Variants in LMBR1 observed in about 807,000 individuals in gnomAD.
The protein encoded by LMBR1 is limb development membrane protein 1.
In LMBR1, 52 loss-of-function variants were observed where a neutral mutation model predicts 73.9. The observed-to-expected ratio is 0.70, with a 90% CI of 0.56 to 0.89. The LOEUF (loss-of-function observed/expected upper bound fraction) is 0.89. Ranked by LOEUF, LMBR1 falls within the 40% of genes least tolerant of loss-of-function variation. The probability of loss-of-function intolerance (pLI) is 0.00; values close to 1 mark genes in which losing one functional copy is unlikely to be tolerated. For missense variants in LMBR1, 539 were observed against 579.8 expected (o/e 0.93, Z 0.72); for synonymous variants, 215 against 209.4 (o/e 1.03, Z -0.23).
intron 4 of LMBR1, among the ~76,000 whole-genome samples, chr7:156,818,326 C>G (rs1415317054): frequency 6.6e-6 from 1 of 152,152 alleles, no homozygotes; most frequent in African/African-American, 2.4e-5. Flanking sequence ...CTTGCAGTGA[C>G]TTGTCGGATT....
intron 15 of LMBR1, among the ~76,000 whole-genome samples, chr7:156,705,262 A>G (rs1388956734): frequency 1.3e-5 from 2 of 152,258 alleles, no homozygotes; most frequent in Non-Finnish European, 2.9e-5. Flanking sequence ...AAAGCACTAA[A>G]ACAAAAAGCC....
chr7:156,764,676 C>T (rs1305693061), intron 5 of LMBR1, among the ~76,000 whole-genome samples: 2 of 152,174 alleles, frequency 1.3e-5, no homozygotes, highest in Non-Finnish European at 2.9e-5. Context: ...TCTCATTCCA[C>T]ATTTAACATA....
At chr7:156,729,126 G>A (rs982551470) in intron 10 of LMBR1, among the ~76,000 whole-genome samples, 8 of 152,048 alleles carry the variant, frequency 5.3e-5, no homozygotes, top group Admixed American at 3.3e-4. Flanking sequence ...TTACAGGCAC[G>A]AACTACGATA....
At chr7:156,802,140 G>A (rs1831113735) in intron 4 of LMBR1, among the ~76,000 whole-genome samples, 1 of 152,252 alleles carries the variant, frequency 6.6e-6, no homozygotes, top group Admixed American at 6.5e-5. Context: ...GCGCCACTGC[G>A]CCAGGCTAAT....
At chr7:156,872,974 T>C (rs1427705653) in intron 1 of LMBR1, among the ~76,000 whole-genome samples, 2 of 152,320 alleles carry the variant, frequency 1.3e-5, no homozygotes, top group South Asian at 2.1e-4. Flanking sequence ...ACTTCAAGAA[T>C]GAAGCCGCGG....
At chr7:156,781,435 T>C (rs994928651) in intron 5 of LMBR1, among the ~76,000 whole-genome samples, 1 of 152,126 alleles carries the variant, frequency 6.6e-6, no homozygotes, top group African/African-American at 2.4e-5. Flanking sequence ...CCACATTTCC[T>C]GCATCTCTCA....
intron 9 of LMBR1, among the ~76,000 whole-genome samples, chr7:156,750,530 T>G (rs898810446): frequency 6.6e-6 from 1 of 152,180 alleles, no homozygotes; most frequent in Admixed American, 6.5e-5. Context: ...AACGTTGGTG[T>G]GTCCTTGGCA....
chr7:156,792,049 A>T (rs189862542), intron 5 of LMBR1, among the ~76,000 whole-genome samples: 111 of 152,360 alleles, frequency 7.3e-4, no homozygotes, highest in African/African-American at 2.6e-3. Context: ...ATATAAAACA[A>T]ATATATGCCT....
chr7:156,856,368 C>G (rs1796973581), intron 1 of LMBR1, among the ~76,000 whole-genome samples: 1 of 151,876 alleles, frequency 6.6e-6, no homozygotes, highest in Non-Finnish European at 1.5e-5. Flanking sequence ...TTTAAAAGAT[C>G]TTCATAAAAG....
At chr7:156,770,612 C>A (rs556241531) in intron 5 of LMBR1, among the ~76,000 whole-genome samples, 1 of 152,172 alleles carries the variant, frequency 6.6e-6, no homozygotes, top group East Asian at 1.9e-4. Context: ...TCCTAGCAAA[C>A]CACAATACAG....
chr7:156,802,846 G>A (rs957337159), intron 4 of LMBR1, among the ~76,000 whole-genome samples: 4 of 151,736 alleles, frequency 2.6e-5, no homozygotes, highest in Admixed American at 2.0e-4. Flanking sequence ...AAATAATGCC[G>A]CATGTCTACA....
intron 4 of LMBR1, chr7:156,822,377 CA>C (rs1164527675): frequency 2.0e-5 from 3 of 152,132 alleles, no homozygotes; most frequent in African/African-American, 4.8e-5. Context: ...AAAGCGTAAA[CA>C]ATATGCTCAA....
At chr7:156,723,276 G>GC (rs1814996991) in intron 15 of LMBR1, among the ~76,000 whole-genome samples, 1 of 152,028 alleles carries the variant, frequency 6.6e-6, no homozygotes, top group African/African-American at 2.4e-5. Flanking sequence ...AATAATGGAG[G>GC]CAATATGAGA....
intron 1 of LMBR1, among the ~76,000 whole-genome samples, chr7:156,865,702 G>A (rs1329950642): frequency 2.0e-5 from 3 of 152,158 alleles, no homozygotes; most frequent in African/African-American, 7.2e-5. Context: ...CACTTGTCAA[G>A]ACAGTGTAGT....
intron 4 of LMBR1, among the ~76,000 whole-genome samples, chr7:156,797,618 C>T (rs1413108524): frequency 2.6e-5 from 4 of 152,236 alleles, no homozygotes; most frequent in African/African-American, 7.2e-5. Flanking sequence ...GGGAGCAGAG[C>T]CGTCCCTAAC....
chr7:156,763,999 A>G (rs929589081), intron 5 of LMBR1, among the ~76,000 whole-genome samples: 1 of 151,874 alleles, frequency 6.6e-6, no homozygotes, highest in Non-Finnish European at 1.5e-5. Flanking sequence ...AAGCTTGGAT[A>G]AAACACAAAA....
chr7:156,764,185 T>C (rs539593211), intron 5 of LMBR1, among the ~76,000 whole-genome samples: 2 of 152,272 alleles, frequency 1.3e-5, no homozygotes, highest in South Asian at 2.1e-4. Context: ...TGCGCCACAA[T>C]GCTCCGAGCT....
chr7:156,888,266 T>C (rs972681614), intron 1 of LMBR1, among the ~76,000 whole-genome samples: 32 of 151,520 alleles, frequency 2.1e-4, no homozygotes, highest in Non-Finnish European at 2.7e-4. Context: ...AAAAGTTAGC[T>C]GGGCGTGGTG....
intron 15 of LMBR1, among the ~76,000 whole-genome samples, chr7:156,692,292 G>T (rs1412339449): frequency 6.6e-6 from 1 of 152,164 alleles, no homozygotes; most frequent in African/African-American, 2.4e-5. Context: ...GGCCAGGCTG[G>T]TCTCAAACTC....
Sources: gnomAD v4.1 joint callset for allele counts (sites outside exome capture counted in the v4.1 genomes callset) on GRCh38, gnomAD v4.1.1 for gene constraint, MANE v1.5 for transcripts, NCBI Gene and HGNC (gene_info 2026-07-23, HGNC 2026-07-21) for gene names.